Variants in ARHGAP20 observed in about 807,000 individuals in gnomAD.
The protein encoded by ARHGAP20 is Rho GTPase activating protein 20, also known as rho GTPase-activating protein 20.
In ARHGAP20, 34 loss-of-function variants were observed where a neutral mutation model predicts 73.7. The ratio of observed to expected loss-of-function variants is 0.46; its 90% CI spans 0.35 to 0.61. The LOEUF (loss-of-function observed/expected upper bound fraction) is 0.61, where lower values mean the gene tolerates loss of function less well. Ranked by LOEUF, ARHGAP20 falls within the 20% of genes least tolerant of loss-of-function variation. The pLI is 0.00. For synonymous variants in ARHGAP20, 523 were observed against 518.2 expected (o/e 1.01, Z -0.13); for missense variants, 1,314 against 1,420.9 (o/e 0.92, Z 1.21).
chr11:110,613,569 C>CA (rs1565438812), intron 6 of ARHGAP20, among the ~76,000 whole-genome samples: 1 of 151,780 alleles, frequency 6.6e-6, no homozygotes, highest in South Asian at 2.1e-4. Context: ...AAGAAAGTGT[C>CA]AAAAAAAATT....
intron 13 of ARHGAP20, among the ~76,000 whole-genome samples, chr11:110,582,676 T>A (rs138923579): frequency 6.6e-6 from 1 of 152,246 alleles, no homozygotes; most frequent in Non-Finnish European, 1.5e-5. Context: ...TAATGTTTTA[T>A]ACCAATGGCT....
In ARHGAP20 at chr11:110,646,141, A is replaced by G. The variant is rs1042019212; in HGVS notation, c.189-15349T>C. 2.0e-5 allele frequency among the ~76,000 whole-genome samples: 3 copies of G among 152,162 alleles called. No homozygotes were observed. The East Asian group carries it at 5.8e-4, about 29-fold the overall frequency. On this transcript the variant is annotated intron_variant, in intron 2 of 14. Coordinates refer to ENST00000683387, the MANE Select transcript of ARHGAP20 (RefSeq NM_001384657.1). ...AAATAAAAGTTGAAAAAAATCACCT[A>G]ATAACTCCTATTTAGGAAATTTATA...
At position 110,712,208 on chromosome 11, in the gene ARHGAP20, C is replaced by G; in HGVS notation, c.24G>C (p.Gln8His). MEAMSPQQETLGGQPGRS... is the reference protein window; with the variant it reads MEAMSPQHETLGGQPGRS... ...GCCCCGGCTGTCCCCCTAGAGTCTC[C>G]TGCTGGGGGGACATCGCTTCCATGA... The change falls in exon 1 of 15, where the codon CAG becomes CAC. Residue 8 changes from glutamine (Q) to histidine (H), a missense_variant. Physicochemically the swap from Gln to His is conservative, Grantham distance 24. Coordinates refer to ENST00000683387, the MANE Select transcript of ARHGAP20 (RefSeq NM_001384657.1). 1 of 1,368,454 alleles carries G rather than the reference C, an allele frequency of 7.3e-7. No individual in the cohort carries two copies. The highest frequency in any genetic ancestry group is 9.5e-7 in the Non-Finnish European group (1 of 1,053,806). 84.8% of individuals were successfully genotyped at this position (1,368,454 alleles called of 1,614,324 possible).
rs142185017 is a variant in ARHGAP20, at chr11:110,637,863, C to T, written c.189-7071G>A. Among the ~76,000 whole-genome samples, 437 of 152,138 alleles carry T rather than the reference C, an allele frequency of 2.9e-3. 1 individual carries two copies. The highest frequency in any genetic ancestry group is 5.3e-3 in the Non-Finnish European group (357 of 67,966). Reference sequence around the variant, plus strand: ...AGAGAGACCAATGAAGGCTGAAGGGCACTTTAAGAAGGAACAGCATGTCAA... The same window carrying T: ...AGAGAGACCAATGAAGGCTGAAGGGTACTTTAAGAAGGAACAGCATGTCAA... On this transcript the variant is annotated intron_variant, in intron 2 of 14. Transcript: ENST00000683387.
chr11:110,625,283 C>T (rs185617991), intron 3 of ARHGAP20, among the ~76,000 whole-genome samples: 4,658 of 151,454 alleles, frequency 0.031, 246 homozygotes, highest in African/African-American at 0.11. Flanking sequence ...ATGATCCACC[C>T]GCCTCGGCCT....
intron 2 of ARHGAP20, among the ~76,000 whole-genome samples, chr11:110,638,738 A>C (rs1333651730): frequency 6.6e-6 from 1 of 151,550 alleles, no homozygotes; most frequent in Non-Finnish European, 1.5e-5. Flanking sequence ...TTCTCATCAG[A>C]CTATCGCAAG....
chr11:110,628,161 G>T (rs1307705172), intron 3 of ARHGAP20, among the ~76,000 whole-genome samples: 1 of 152,152 alleles, frequency 6.6e-6, no homozygotes, highest in Non-Finnish European at 1.5e-5. Flanking sequence ...CCCAACCTAA[G>T]GACTGAAAGC....
In ARHGAP20 at chr11:110,577,820, TTCTA is replaced by T. The variant is rs1947328274; in HGVS notation, c.*1546_*1549del. 1.0e-6 allele frequency: 1 copy of T among 985,798 alleles called. No individual in the cohort carries two copies. The highest frequency in any genetic ancestry group is 1.7e-5 in the African/African-American group (1 of 57,366). 61.1% of individuals were successfully genotyped at this position (985,798 alleles called of 1,614,324 possible). On this transcript the variant is annotated 3_prime_UTR_variant, in exon 15 of 15. Transcript: ENST00000683387. ...CTATAGCTAATACTGAAATAACTTC[TTCTA>T]TCTTAGAGAAAATATTTTTTCCCCT...
At position 110,580,488 on chromosome 11, in the gene ARHGAP20, A is replaced by G. The variant is rs774508021; in HGVS notation, c.2458T>C (p.Phe820Leu). 2 of 1,614,072 alleles carry G rather than the reference A, an allele frequency of 1.2e-6. No individual in the cohort carries two copies. The highest frequency in any genetic ancestry group is 1.7e-6 in the Non-Finnish European group (2 of 1,179,986). ...GAGTATCCAGATGTATTCACATCAA[A>G]GGGCTGGTTCTTGGAATGATCCTGT... Reference protein sequence around the residue: ...SSQDHSKNQPFDVNTSGYSPP... With the variant: ...SSQDHSKNQPLDVNTSGYSPP... Residue 820 changes from phenylalanine (F) to leucine (L), a missense_variant, in exon 15 of 15, where the codon TTT (phenylalanine) becomes CTT (leucine). Physicochemically the swap from Phe to Leu is conservative, Grantham distance 22 (BLOSUM62 0). Around this residue, in one of 3 missense-constraint regions of ARHGAP20, gnomAD observed 641 missense variants for 636.9 expected, o/e 1.01. Coordinates refer to ENST00000683387, the MANE Select transcript of ARHGAP20 (RefSeq NM_001384657.1).
intron 7 of ARHGAP20, among the ~76,000 whole-genome samples, chr11:110,609,556 A>AAAGGAC (rs1245252979): frequency 5.9e-5 from 9 of 152,198 alleles, no homozygotes; most frequent in African/African-American, 2.2e-4. Flanking sequence ...CTGGGGAAAG[A>AAAGGAC]AAGGACAAGA....
At chr11:110,601,829 C>CA (rs147557761) in intron 9 of ARHGAP20, among the ~76,000 whole-genome samples, 4,837 of 151,898 alleles carry the variant, frequency 0.032, 266 homozygotes, top group African/African-American at 0.11. Context: ...ACTAAAAATA[C>CA]AAAAAATACT....
At chr11:110,707,968 T>G (rs1390308533) in intron 1 of ARHGAP20, among the ~76,000 whole-genome samples, 1 of 151,034 alleles carries the variant, frequency 6.6e-6, no homozygotes, top group African/African-American at 2.4e-5. Flanking sequence ...ATTAAGAAGC[T>G]TACAGAAAAA....
intron 2 of ARHGAP20, among the ~76,000 whole-genome samples, chr11:110,671,333 A>T (rs1949823788): frequency 1.3e-5 from 2 of 152,082 alleles, no homozygotes; most frequent in South Asian, 4.1e-4. Context: ...ACATACTGGA[A>T]TTAAAGGATA....
At chr11:110,700,941 A>G (rs1424448021) in intron 1 of ARHGAP20, among the ~76,000 whole-genome samples, 1 of 151,406 alleles carries the variant, frequency 6.6e-6, no homozygotes, top group Non-Finnish European at 1.5e-5. Flanking sequence ...ATGGCTGCAT[A>G]GTATTCCATG....
chr11:110,597,466 T>G (rs1947998118), intron 9 of ARHGAP20, among the ~76,000 whole-genome samples: 1 of 152,036 alleles, frequency 6.6e-6, no homozygotes, highest in South Asian at 2.1e-4. Flanking sequence ...CTTGGTTTGC[T>G]CACATTTACT....
intron 2 of ARHGAP20, among the ~76,000 whole-genome samples, chr11:110,677,897 C>T (rs914497160): frequency 4.6e-5 from 7 of 152,120 alleles, no homozygotes; most frequent in Non-Finnish European, 8.8e-5. Flanking sequence ...AGGAATGAAA[C>T]ATATGTGCAA....
At chr11:110,683,494 T>C (rs909080308) in intron 2 of ARHGAP20, among the ~76,000 whole-genome samples, 3 of 152,130 alleles carry the variant, frequency 2.0e-5, no homozygotes, top group African/African-American at 7.2e-5. Flanking sequence ...AATGGAGACA[T>C]TAATTTATTC....
chr11:110,614,530 G>C (rs556832486), intron 6 of ARHGAP20, 31 bp downstream of exon 6: 3 of 1,575,662 alleles, frequency 1.9e-6, no homozygotes, highest in Middle Eastern at 1.7e-4. Context: ...CAGGGACTTG[G>C]AATTTAATTT....
chr11:110,608,757 C>A (rs570034733), intron 8 of ARHGAP20, among the ~76,000 whole-genome samples: 8 of 152,010 alleles, frequency 5.3e-5, no homozygotes, highest in South Asian at 2.1e-4. Context: ...AAAAGCAGAG[C>A]GAAAAGTTTA....
Sources: gnomAD v4.1 joint callset for allele counts (sites outside exome capture counted in the v4.1 genomes callset) on GRCh38, gnomAD v4.1.1 for gene constraint, gnomAD v4.1.1 regional missense constraint, MANE v1.5 for transcripts, NCBI Gene and HGNC (gene_info 2026-07-23, HGNC 2026-07-21) for gene names.